LPP: variants seen among roughly 807,000 people sequenced by gnomAD.
LPP encodes LIM domain containing preferred translocation partner in lipoma.
LPP carries 38 observed loss-of-function variants against 60.4 expected under a neutral mutation model. That is an observed-to-expected ratio of 0.63 (90% CI 0.49 to 0.83). The LOEUF is 0.83. Ranked by LOEUF, LPP falls within the 40% of genes least tolerant of loss-of-function variation. The probability of loss-of-function intolerance (pLI) is 0.00; values close to 1 mark genes in which losing one functional copy is unlikely to be tolerated. For missense variants in LPP, 902 were observed against 783.6 expected, an observed-to-expected ratio of 1.15 and a Z score of -1.80; for synonymous variants, 328 against 290.8, an observed-to-expected ratio of 1.13 and a Z score of -1.30.
chr3:188,687,037 G>C (rs1176708425), intron 7 of LPP, among the ~76,000 whole-genome samples: 1 of 152,238 alleles, frequency 6.6e-6, no homozygotes, highest in African/African-American at 2.4e-5. Flanking sequence ...ATGTCAGGCT[G>C]TCTGAAAGGA....
chr3:188,517,667 CGGT>C (rs1560508500), intron 5 of LPP, among the ~76,000 whole-genome samples: 1 of 151,986 alleles, frequency 6.6e-6, no homozygotes, highest in East Asian at 1.9e-4. Flanking sequence ...TCTTACATGG[CGGT>C]GGTAAGAGAA....
Position 188,874,514 on chromosome 3 carries a change from C to A in LPP, c.*35C>A. ...CCTGTTCAGCCGGCACTGAGAAGAACGAACACAAGAAAAAGATAAGAAATA... is the reference window on the plus strand; with the variant it reads ...CCTGTTCAGCCGGCACTGAGAAGAAAGAACACAAGAAAAAGATAAGAAATA... On this transcript the variant is annotated 3_prime_UTR_variant, in exon 12 of 12. Transcript: ENST00000617246. 4.4e-6 allele frequency: 7 copies of A among 1,600,642 alleles called. No homozygotes were observed. Among genetic ancestry groups the A allele is most frequent in the South Asian group, 1.1e-5 (1 of 90,256 alleles).
intron 3 of LPP, among the ~76,000 whole-genome samples, chr3:188,400,724 T>C (rs2148806380): frequency 6.6e-6 from 1 of 152,316 alleles, no homozygotes; most frequent in South Asian, 2.1e-4. Context: ...TTGTGTATTC[T>C]CAGAGCCTCT....
At chr3:188,310,078 A>G (rs1752901814) in intron 2 of LPP, among the ~76,000 whole-genome samples, 1 of 152,134 alleles carries the variant, frequency 6.6e-6, no homozygotes, top group East Asian at 1.9e-4. Context: ...CCTCACCACC[A>G]CCACCATGAC....
At chr3:188,833,303 CT>C (rs750694729) in intron 9 of LPP, among the ~76,000 whole-genome samples, 9 of 152,148 alleles carry the variant, frequency 5.9e-5, no homozygotes, top group Admixed American at 6.5e-5. Flanking sequence ...TCAGGTCTTG[CT>C]TCAGGAATTT....
chr3:188,625,923 A>G (rs1407307381), intron 7 of LPP, among the ~76,000 whole-genome samples: 1 of 152,194 alleles, frequency 6.6e-6, no homozygotes, highest in Non-Finnish European at 1.5e-5. Flanking sequence ...AGCATTTGTA[A>G]AAATGTATGT....
intron 5 of LPP, among the ~76,000 whole-genome samples, chr3:188,516,157 T>C (rs1817304798): frequency 6.6e-6 from 1 of 152,096 alleles, no homozygotes; most frequent in South Asian, 2.1e-4. Context: ...AAGGGTACAT[T>C]TGGGGAGATA....
At chr3:188,460,802 G>C (rs901663112) in intron 4 of LPP, among the ~76,000 whole-genome samples, 2 of 152,186 alleles carry the variant, frequency 1.3e-5, no homozygotes, top group African/African-American at 4.8e-5. Context: ...ATAGAGCAGG[G>C]AGTGTCCATG....
intron 7 of LPP, among the ~76,000 whole-genome samples, chr3:188,615,223 A>T (rs1392723836): frequency 6.6e-6 from 1 of 152,178 alleles, no homozygotes; most frequent in Non-Finnish European, 1.5e-5. Context: ...AGTATCCTGG[A>T]TTCCAGCTGA....
rs1768447636 is a variant in LPP at position 188,872,727 on chromosome 3, G to A, written c.1674G>A (p.Leu558=). ...GQEETVRIVA[L]DRDFHVHCYR... Reference sequence around the variant, plus strand: ...AGGAGACTGTCCGTATTGTGGCTTTGGATCGAGATTTCCATGTTCACTGCT... The same window carrying A: ...AGGAGACTGTCCGTATTGTGGCTTTAGATCGAGATTTCCATGTTCACTGCT... The change falls in exon 11 of 12, where the codon TTG becomes TTA. Residue 558 remains leucine (L), a synonymous_variant. Transcript: ENST00000617246. The A allele has an allele frequency of 6.2e-7, 1 of 1,614,080 alleles. No homozygotes were observed. The highest frequency in any genetic ancestry group is 1.3e-5 in the African/African-American group (1 of 74,936).
chr3:188,563,460 A>ATATGTG (rs373067080), intron 6 of LPP, among the ~76,000 whole-genome samples: 5 of 142,032 alleles, frequency 3.5e-5, no homozygotes, highest in African/African-American at 1.3e-4. Context: ...TTACATATAT[A>ATATGTG]TGTGTGTGTG....
intron 11 of LPP, among the ~76,000 whole-genome samples, chr3:188,873,681 T>C (rs994061019): frequency 2.0e-5 from 3 of 152,166 alleles, no homozygotes; most frequent in African/African-American, 7.2e-5. Flanking sequence ...TCGGCCTGTG[T>C]GCATTGAGGC....
At chr3:188,567,942 C>T (rs188728912) in intron 6 of LPP, among the ~76,000 whole-genome samples, 9 of 152,084 alleles carry the variant, frequency 5.9e-5, no homozygotes, top group Non-Finnish European at 1.2e-4. Context: ...GTGATTACAA[C>T]AGTCTTTCTA....
chr3:188,459,980 C>T (rs944989993), intron 4 of LPP, among the ~76,000 whole-genome samples: 5 of 152,028 alleles, frequency 3.3e-5, no homozygotes, highest in Admixed American at 6.6e-5. Context: ...GAAATACTGT[C>T]GAAGACATGG....
At chr3:188,648,730 GAGT>G (rs1851550626) in intron 7 of LPP, among the ~76,000 whole-genome samples, 1 of 152,272 alleles carries the variant, frequency 6.6e-6, no homozygotes, top group South Asian at 2.1e-4. Context: ...AATTTCTCCA[GAGT>G]TTAATGATGA....
intron 5 of LPP, among the ~76,000 whole-genome samples, chr3:188,499,380 G>A (rs113469928): frequency 1.3e-5 from 2 of 152,182 alleles, no homozygotes; most frequent in Non-Finnish European, 2.9e-5. Flanking sequence ...TTGTTGAAAA[G>A]ACTGTCCTTC....
intron 7 of LPP, among the ~76,000 whole-genome samples, chr3:188,682,097 A>G (rs752417887): frequency 6.4e-4 from 97 of 152,296 alleles, no homozygotes; most frequent in Non-Finnish European, 1.1e-3. Flanking sequence ...TTTTTTGCAG[A>G]TGGCAAAACT....
At chr3:188,524,643 A>T (rs900495382) in intron 5 of LPP, 22 bp from the exon 6 acceptor site, 1 of 1,597,206 alleles carries the variant, frequency 6.3e-7, no homozygotes, top group South Asian at 1.1e-5. Context: ...CTTTGTTAAC[A>T]TGTCTGTGTT....
chr3:188,759,456 C>T (rs1234600307), intron 8 of LPP: 1 of 152,264 alleles, frequency 6.6e-6, no homozygotes, highest in African/African-American at 2.4e-5. Context: ...GATGTCAAGT[C>T]CAAGAGAGAG....
Sources: gnomAD v4.1 joint callset for allele counts (sites outside exome capture counted in the v4.1 genomes callset) on GRCh38, gnomAD v4.1.1 for gene constraint, MANE v1.5 for transcripts, NCBI Gene and HGNC (gene_info 2026-07-23, HGNC 2026-07-21) for gene names.